CREG2: variants seen among roughly 807,000 people sequenced by gnomAD.
The protein encoded by CREG2 is protein CREG2.
CREG2 carries 24 observed loss-of-function variants against 26.2 expected under a neutral mutation model. That is an observed-to-expected ratio of 0.92 (90% CI 0.66 to 1.29). CREG2 has a LOEUF of 1.29. CREG2 is among the 50% of genes most tolerant of loss of function. CREG2 has a pLI of 0.00. For missense variants in CREG2, 366 were observed against 398.6 expected, an observed-to-expected ratio of 0.92 and a Z score of 0.70; for synonymous variants, 174 against 169.2, an observed-to-expected ratio of 1.03 and a Z score of -0.22.
At chr2:101,386,959 C>T in intron 1 of CREG2, 58 bp downstream of exon 1, 1 of 1,228,834 alleles carries the variant, frequency 8.1e-7, no homozygotes, top group Non-Finnish European at 1.0e-6. Flanking sequence ...TCCCTGTCCC[C>T]GTCCCCCGGC....
At chr2:101,383,250 G>C (rs1046004938) in intron 2 of CREG2, among the ~76,000 whole-genome samples, 3 of 152,118 alleles carry the variant, frequency 2.0e-5, no homozygotes, top group African/African-American at 7.2e-5. Flanking sequence ...GTTGCACAAA[G>C]CATTTTACAC....
chr2:101,372,569 ATTATTTGC>A (rs1280903769), intron 2 of CREG2, among the ~76,000 whole-genome samples: 2 of 152,214 alleles, frequency 1.3e-5, no homozygotes, highest in Non-Finnish European at 2.9e-5. Flanking sequence ...TGTTACTTTA[ATTATTTGC>A]TTATCTGATG....
At chr2:101,384,316 T>G (rs1684929495) in intron 1 of CREG2, among the ~76,000 whole-genome samples, 1 of 152,230 alleles carries the variant, frequency 6.6e-6, no homozygotes, top group Admixed American at 6.5e-5. Context: ...TTACCCTTTT[T>G]GCATAAAGGA....
At chr2:101,365,753 G>A (rs114011010) in intron 2 of CREG2, among the ~76,000 whole-genome samples, 1,624 of 151,920 alleles carry the variant, frequency 0.011, 34 homozygotes, top group African/African-American at 0.037. Context: ...GTATTTTTCA[G>A]TGTCTCTCAC....
At chr2:101,382,427 GAAAAA>G (rs11312683) in intron 2 of CREG2, 6 of 769,270 alleles carry the variant, frequency 7.8e-6, no homozygotes, top group Non-Finnish European at 7.8e-6. Flanking sequence ...ACTCTATCTC[GAAAAA>G]AAAAAAAAAA....
At chr2:101,353,822 G>A (rs944369068) in intron 3 of CREG2, among the ~76,000 whole-genome samples, 1 of 152,142 alleles carries the variant, frequency 6.6e-6, no homozygotes, top group African/African-American at 2.4e-5. Flanking sequence ...CAGGGACATG[G>A]ATGAAGCTGG....
chr2:101,375,954 G>A (rs1406506715), intron 2 of CREG2: 3 of 172,724 alleles, frequency 1.7e-5, no homozygotes, highest in Non-Finnish European at 3.8e-5. Context: ...GGCTGTCAAG[G>A]CAGGCCTGTC....
At chr2:101,380,069 CATTCATCT>C (rs1278323718) in intron 2 of CREG2, among the ~76,000 whole-genome samples, 1 of 141,866 alleles carries the variant, frequency 7.0e-6, no homozygotes, top group Non-Finnish European at 1.6e-5. Context: ...ATCCATCCAT[CATTCATCT>C]ATCTATTCAT....
chr2:101,372,481 C>CT lies in CREG2; in HGVS notation c.611+11051dup, dbSNP rs60194174. 3.3e-3 allele frequency among the ~76,000 whole-genome samples: 507 copies of CT among 152,270 alleles called. 5 individuals carry two copies. The highest frequency in any genetic ancestry group is 0.012 in the African/African-American group (488 of 41,554). ...CAAATTCCTTTCAGTTAATTGAAAT[C>CT]TTTTCTCATGTTTAGACACTTTCTT... On this transcript the variant is annotated intron_variant, in intron 2 of 3. Coordinates refer to ENST00000324768, the MANE Select transcript of CREG2 (RefSeq NM_153836.4).
intron 2 of CREG2, among the ~76,000 whole-genome samples, chr2:101,360,065 A>G (rs1684517779): frequency 1.3e-5 from 2 of 152,234 alleles, no homozygotes; most frequent in Admixed American, 6.5e-5. Flanking sequence ...GACTAGATCA[A>G]TCATTCCTCT....
chr2:101,351,663 C>T (rs955561855), intron 3 of CREG2, among the ~76,000 whole-genome samples: 1 of 152,158 alleles, frequency 6.6e-6, no homozygotes, highest in Non-Finnish European at 1.5e-5. Context: ...CGTCACATCC[C>T]GTCTTGTGCT....
intron 2 of CREG2, among the ~76,000 whole-genome samples, chr2:101,369,587 C>G (rs1398787707): frequency 6.6e-6 from 1 of 152,184 alleles, no homozygotes; most frequent in Non-Finnish European, 1.5e-5. Flanking sequence ...CTCAAAAGAG[C>G]TTCTCTCTCC....
At position 101,348,705 on chromosome 2, in the gene CREG2, A is replaced by C. The variant is rs1325601224; in HGVS notation, c.*2218T>G. 6.6e-6 allele frequency: 1 copy of C among 151,886 alleles called. No individual in the cohort carries two copies. Among genetic ancestry groups the C allele is most frequent in the Non-Finnish European group, 1.5e-5 (1 of 67,988 alleles). 9.4% of individuals were successfully genotyped at this position (151,886 alleles called of 1,614,324 possible). On this transcript the variant is annotated 3_prime_UTR_variant, in exon 4 of 4. Transcript: ENST00000324768. ...TTTTTAAAAAAAATAGATTATTTGG[A>C]ATTTCTATGTAGGCAATCCTCTCAT... is the stretch of plus-strand genomic sequence containing the variant.
At chr2:101,386,502 C>T (rs975688995) in intron 1 of CREG2, among the ~76,000 whole-genome samples, 1 of 152,222 alleles carries the variant, frequency 6.6e-6, no homozygotes. Flanking sequence ...AATAAGCCTC[C>T]TTTCCAGAAA....
chr2:101,374,110 T>C (rs1002480113), intron 2 of CREG2, among the ~76,000 whole-genome samples: 25 of 152,288 alleles, frequency 1.6e-4, no homozygotes, highest in Admixed American at 6.5e-4. Flanking sequence ...AAAAGAGCTA[T>C]CCGCCAGGTG....
chr2:101,355,423 A>G, intron 2 of CREG2, 57 bp from the exon 3 acceptor site: 3 of 1,075,186 alleles, frequency 2.8e-6, no homozygotes, highest in Non-Finnish European at 2.8e-6. Flanking sequence ...TCAGCCAGCA[A>G]TTCTAACGAT....
intron 2 of CREG2, among the ~76,000 whole-genome samples, chr2:101,368,632 A>G (rs564395207): frequency 5.3e-5 from 8 of 152,322 alleles, no homozygotes; most frequent in African/African-American, 1.9e-4. Context: ...TGAAGTTCTG[A>G]GGGTCAATGA....
chr2:101,350,963 G>A lies in CREG2; in HGVS notation c.833C>T (p.Ser278Leu), dbSNP rs1442642210. Reference sequence around the variant, plus strand: ...AACTGCTTTGAAATATTCCTCCCTTGAAATACTGGATGCGCCTCCATACCA... The same window carrying A: ...AACTGCTTTGAAATATTCCTCCCTTAAAATACTGGATGCGCCTCCATACCA... ...QKWYGGASSI[S>L]REEYFKAVPR... Residue 278 changes from serine to leucine, a missense_variant, in exon 4 of 4, where the codon TCA becomes TTA. By Grantham distance (145) the Ser-to-Leu change is moderately radical. Transcript: ENST00000324768. 6.2e-7 allele frequency: 1 copy of A among 1,614,076 alleles called. No homozygotes were observed.
chr2:101,387,434 C>A lies in CREG2; in HGVS notation c.24G>T (p.Arg8=), dbSNP rs1052743392. MSVRRGR[R]PARPGTRLSW... is the part of the protein sequence containing the mutation. ...AGAGGCGGGTCCCCGGCCGCGCCGGCCGCCGGCCGCGGCGCACGGACATCT... is the reference window on the plus strand; with the variant it reads ...AGAGGCGGGTCCCCGGCCGCGCCGGACGCCGGCCGCGGCGCACGGACATCT... The change falls in exon 1 of 4, where the codon CGG becomes CGT. Residue 8 remains arginine, a synonymous_variant. Transcript: ENST00000324768. The surrounding 1 kb of genome is among the most constrained non-coding windows in gnomAD (Gnocchi z 4.7). 4.0e-6 allele frequency: 5 copies of A among 1,248,224 alleles called. No homozygotes were observed. The highest frequency in any genetic ancestry group is 5.1e-6 in the Non-Finnish European group (5 of 989,784). The allele number at this position is 1,248,224 out of a possible 1,614,324, so 77.3% of individuals were successfully genotyped here.
Sources: gnomAD v4.1 joint callset for allele counts (sites outside exome capture counted in the v4.1 genomes callset) on GRCh38, gnomAD v4.1.1 for gene constraint, Gnocchi (gnomAD v3.1) non-coding constraint, MANE v1.5 for transcripts, NCBI Gene and HGNC (gene_info 2026-07-23, HGNC 2026-07-21) for gene names.